Variants in LRRFIP2 observed in about 807,000 individuals in gnomAD.
LRRFIP2 encodes LRR binding FLII interacting protein 2.
In LRRFIP2, 109 loss-of-function variants were observed where a neutral mutation model predicts 125.9. The observed-to-expected ratio is 0.87, with a 90% CI of 0.74 to 1.01. The LOEUF (loss-of-function observed/expected upper bound fraction) is 1.01, where lower values mean the gene tolerates loss of function less well. Ranked by LOEUF, LRRFIP2 falls within the 50% of genes least tolerant of loss-of-function variation. The pLI is 0.00. For missense variants in LRRFIP2, 850 were observed against 862.3 expected, an observed-to-expected ratio of 0.99 and a Z score of 0.18; for synonymous variants, 291 against 293.1, an observed-to-expected ratio of 0.99 and a Z score of 0.07.
chr3:37,167,196 C>CAA (rs1560175338), intron 1 of LRRFIP2, among the ~76,000 whole-genome samples: 3,277 of 55,722 alleles, frequency 0.059, 130 homozygotes, highest in African/African-American at 0.13. Flanking sequence ...AATCTTGTCT[C>CAA]CAAAAAAAAA....
At chr3:37,128,323 T>C (rs1386278545) in intron 3 of LRRFIP2, among the ~76,000 whole-genome samples, 7 of 152,144 alleles carry the variant, frequency 4.6e-5, no homozygotes, top group African/African-American at 1.4e-4. Flanking sequence ...ACATCAAAAA[T>C]ATTTATTATG....
Position 37,062,591 on chromosome 3 carries a change from A to G in LRRFIP2, c.1749+1151T>C, listed in dbSNP as rs896972932. 5.3e-5 allele frequency among the ~76,000 whole-genome samples: 8 copies of G among 152,242 alleles called. No individual in the cohort carries two copies. In the East Asian group the frequency reaches 1.5e-3, roughly 29 times the overall value. ...ACAAGCTTCCACAAAGAGGAGAAAA[A>G]TAGATCACAAATCAGAAAAGATCAG... is the stretch of plus-strand genomic sequence containing the variant. On this transcript the variant is annotated intron_variant, in intron 24 of 27. Transcript: ENST00000336686.
intron 2 of LRRFIP2, among the ~76,000 whole-genome samples, chr3:37,142,088 T>C (rs1168369415): frequency 2.6e-5 from 4 of 152,108 alleles, no homozygotes; most frequent in Non-Finnish European, 5.9e-5. Context: ...AAATGAATAA[T>C]GCCTTTCATA....
rs1021680996 is a variant in LRRFIP2, at chr3:37,165,756, C to CA, written c.-56+8782dup. On this transcript the variant is annotated intron_variant, in intron 1 of 27. Coordinates refer to ENST00000336686, the MANE Select transcript of LRRFIP2 (RefSeq NM_006309.4). ...GGGCAACAAGAGAGAAACTCTGTCA[C>CA]AAAAAAAAGAAAAGAAAAGAAAAGA... is the stretch of plus-strand genomic sequence containing the variant. Among the ~76,000 whole-genome samples the CA allele has an allele frequency of 1.1e-3, 96 of 85,272 alleles. 1 individual carries two copies. Among genetic ancestry groups the CA allele is most frequent in the African/African-American group, 3.6e-3 (79 of 21,706 alleles). 55.9% of individuals were successfully genotyped at this position (85,272 alleles called of 152,430 possible). A position where few individuals can be genotyped will look rare whatever the true frequency, so the allele number is the denominator to read the frequency against.
At chr3:37,064,099 T>C (rs2089513670) in intron 23 of LRRFIP2, 1 of 312,768 alleles carries the variant, frequency 3.2e-6, no homozygotes, top group Admixed American at 4.7e-5. Context: ...AAGCTTTCAC[T>C]AGTAGACAGA....
At chr3:37,164,396 T>C (rs1188986304) in intron 1 of LRRFIP2, among the ~76,000 whole-genome samples, 3 of 152,214 alleles carry the variant, frequency 2.0e-5, no homozygotes. Context: ...GATACTCCTA[T>C]TTTAATAACA....
At chr3:37,125,248 C>T (rs2095232923) in intron 4 of LRRFIP2, among the ~76,000 whole-genome samples, 2 of 152,114 alleles carry the variant, frequency 1.3e-5, no homozygotes, top group South Asian at 2.1e-4. Context: ...CAAAGTCATT[C>T]CTTCAGTTTC....
chr3:37,167,094 G>A (rs1476529012), intron 1 of LRRFIP2, among the ~76,000 whole-genome samples: 14 of 151,706 alleles, frequency 9.2e-5, no homozygotes, highest in Non-Finnish European at 1.8e-4. Context: ...CTACTGGAGA[G>A]GCTGAGGTGG....
Position 37,054,508 on chromosome 3 carries a change from C to A in LRRFIP2, c.1958G>T (p.Arg653Leu), listed in dbSNP as rs376522215. 6 of 1,613,056 alleles carry A rather than the reference C, an allele frequency of 3.7e-6. No individual in the cohort carries two copies. The South Asian group carries it at 6.6e-5, about 18-fold the overall frequency. Residue 653 changes from arginine (R) to leucine (L), a missense_variant, in exon 27 of 28, where the codon CGG (arginine) becomes CTG (leucine). Physicochemically the swap from Arg to Leu is moderately radical, Grantham distance 102. Coordinates refer to ENST00000336686, the MANE Select transcript of LRRFIP2 (RefSeq NM_006309.4). ...ATATCTCAGAACCTGTCCCTCAAGC[C>A]GGCTAATCTGTAAGTATGAGAACAT... ...DITTLEQSIS[R>L]LEGQVLRYKT...
chr3:37,113,547 C>T (rs1428094341), intron 7 of LRRFIP2, among the ~76,000 whole-genome samples: 1 of 152,102 alleles, frequency 6.6e-6, no homozygotes, highest in East Asian at 1.9e-4. Flanking sequence ...AGTGATCCTC[C>T]TGCCTCAACC....
At chr3:37,108,734 T>G in intron 11 of LRRFIP2, 50 bp from the exon 12 acceptor site, 3 of 1,469,268 alleles carry the variant, frequency 2.0e-6, no homozygotes, top group Non-Finnish European at 2.9e-6. Flanking sequence ...AAGGTTGTTT[T>G]GAAAATGACT....
At chr3:37,094,102 T>C (rs1028212952) in intron 17 of LRRFIP2, among the ~76,000 whole-genome samples, 1 of 152,138 alleles carries the variant, frequency 6.6e-6, no homozygotes, top group East Asian at 1.9e-4. Flanking sequence ...GTCTTCCCTA[T>C]GAAAAAGGGA....
At position 37,125,976 on chromosome 3, in the gene LRRFIP2, T is replaced by C. The variant is rs149487376; in HGVS notation, c.228+1654A>G. On this transcript the variant is annotated intron_variant, in intron 4 of 27. Coordinates refer to ENST00000336686, the MANE Select transcript of LRRFIP2 (RefSeq NM_006309.4). ...TTTCTTTTTCTTTTTATTTATTTTG[T>C]TTACCTTCAACCAACTCACACCAAA... is the stretch of plus-strand genomic sequence containing the variant. 2.8e-3 allele frequency among the ~76,000 whole-genome samples: 422 copies of C among 152,142 alleles called. 2 individuals are homozygous for C. Among genetic ancestry groups the C allele is most frequent in the African/African-American group, 9.5e-3 (396 of 41,536 alleles).
chr3:37,163,687 CCTGA>C (rs1166567535), intron 1 of LRRFIP2, among the ~76,000 whole-genome samples: 1 of 152,180 alleles, frequency 6.6e-6, no homozygotes, highest in Admixed American at 6.5e-5. Context: ...TTCAGCCTAT[CCTGA>C]CTAACAGACT....
Position 37,066,273 on chromosome 3 carries a change from A to G in LRRFIP2, c.1517T>C (p.Met506Thr), listed in dbSNP as rs1187606980. 2 of 1,614,186 alleles carry G rather than the reference A, an allele frequency of 1.2e-6. No homozygotes were observed. The highest frequency in any genetic ancestry group is 1.7e-6 in the Non-Finnish European group (2 of 1,179,998). The change falls in exon 22 of 28, where the codon ATG becomes ACG. Residue 506 changes from methionine to threonine, a missense_variant. By Grantham distance (81) the Met-to-Thr change is moderately conservative. Transcript: ENST00000336686. ...CAGGTCAGCCAGCTCCTCTCTGAGC[A>G]TATCTCGCTCATTCCTAAGGCAGGC... is the stretch of plus-strand genomic sequence containing the variant. ...YIACLRNERD[M>T]LREELADLQE...
intron 9 of LRRFIP2, among the ~76,000 whole-genome samples, chr3:37,110,017 A>C (rs781191806): frequency 7.9e-5 from 12 of 152,260 alleles, no homozygotes; most frequent in Non-Finnish European, 1.8e-4. Flanking sequence ...ACACTGAGGG[A>C]AAGAGGGTCA....
At chr3:37,096,709 C>G (rs370240583) in intron 15 of LRRFIP2, 49 bp from the exon 16 acceptor site, 24 of 1,140,316 alleles carry the variant, frequency 2.1e-5, no homozygotes, top group African/African-American at 4.8e-5. Flanking sequence ...AGCAAGTTGA[C>G]TTTTTTTGGG....
intron 1 of LRRFIP2, among the ~76,000 whole-genome samples, chr3:37,155,908 T>G (rs2096174278): frequency 6.6e-6 from 1 of 152,194 alleles, no homozygotes; most frequent in African/African-American, 2.4e-5. Context: ...GGTCTCCCAC[T>G]CTGTCTCCCA....
chr3:37,136,757 G>T (rs1251696015), intron 2 of LRRFIP2, among the ~76,000 whole-genome samples: 1 of 151,958 alleles, frequency 6.6e-6, no homozygotes, highest in East Asian at 1.9e-4. Flanking sequence ...AACACAGTTT[G>T]GGAAATAATG....
Sources: gnomAD v4.1 joint callset for allele counts (sites outside exome capture counted in the v4.1 genomes callset) on GRCh38, gnomAD v4.1.1 for gene constraint, MANE v1.5 for transcripts, NCBI Gene and HGNC (gene_info 2026-07-23, HGNC 2026-07-21) for gene names.